Variants in MAP4K5 observed in about 807,000 individuals in gnomAD.
MAP4K5 encodes mitogen-activated protein kinase kinase kinase kinase 5, also known as MAPK/ERK kinase kinase kinase 5.
In MAP4K5, 82 loss-of-function variants were observed where a neutral mutation model predicts 135.6. The observed-to-expected ratio is 0.60, with a 90% CI of 0.51 to 0.73. The LOEUF (loss-of-function observed/expected upper bound fraction) is 0.73. Ranked by LOEUF, MAP4K5 falls within the 30% of genes least tolerant of loss-of-function variation. MAP4K5 has a pLI of 0.00. For synonymous variants in MAP4K5, 347 were observed against 335.0 expected, an observed-to-expected ratio of 1.04 and a Z score of -0.39; for missense variants, 907 against 1,010.9, an observed-to-expected ratio of 0.90 and a Z score of 1.39.
chr14:50,445,167 T>G lies in MAP4K5; in HGVS notation c.1213A>C (p.Asn405His), dbSNP rs2036316879. ...GATGCTTTTTCTTCATCCGGAAAGTTGTCTTCAGGGTAACTGCTTATCCTT... is the reference window on the plus strand; with the variant it reads ...GATGCTTTTTCTTCATCCGGAAAGTGGTCTTCAGGGTAACTGCTTATCCTT... ...KPRISSYPED[N>H]FPDEEKASTI... The change falls in exon 18 of 33, where the codon AAC (asparagine) becomes CAC (histidine). Residue 405 changes from asparagine (N) to histidine (H), a missense_variant. By Grantham distance (68) the Asn-to-His change is moderately conservative (BLOSUM62 1). Transcript: ENST00000682126. The G allele has an allele frequency of 8.1e-6, 13 of 1,613,520 alleles. No individual in the cohort carries two copies. Among genetic ancestry groups the G allele is most frequent in the Non-Finnish European group, 1.1e-5 (13 of 1,179,646 alleles).
chr14:50,501,852 T>A (rs1349846365), intron 3 of MAP4K5, among the ~76,000 whole-genome samples: 1 of 152,134 alleles, frequency 6.6e-6, no homozygotes, highest in East Asian at 1.9e-4. Flanking sequence ...TTATTCTAAC[T>A]CCCCCACTGG....
At chr14:50,528,423 A>G (rs63429460) in intron 2 of MAP4K5, among the ~76,000 whole-genome samples, 7 of 134,768 alleles carry the variant, frequency 5.2e-5, no homozygotes, top group Admixed American at 1.5e-4. Context: ...AAAAAAAAAA[A>G]GGCAGGGAAA....
intron 8 of MAP4K5, among the ~76,000 whole-genome samples, 190 bp downstream of exon 8, chr14:50,475,938 T>C (rs1050229744): frequency 6.6e-6 from 1 of 152,196 alleles, no homozygotes; most frequent in African/African-American, 2.4e-5. Flanking sequence ...GGATTTTCCA[T>C]CTTTAGGTTT....
At chr14:50,456,312 C>T in intron 14 of MAP4K5, 1 of 530,604 alleles carries the variant, frequency 1.9e-6, no homozygotes, top group South Asian at 2.5e-5. Context: ...TGATTTTGTC[C>T]ATAACTGGAA....
intron 2 of MAP4K5, among the ~76,000 whole-genome samples, chr14:50,518,479 C>A (rs1014862857): frequency 6.6e-6 from 1 of 152,094 alleles, no homozygotes; most frequent in South Asian, 2.1e-4. Flanking sequence ...CACTTATAAG[C>A]GAGAACATGC....
intron 2 of MAP4K5, among the ~76,000 whole-genome samples, chr14:50,539,881 C>T (rs956499961): frequency 6.6e-6 from 1 of 152,210 alleles, no homozygotes; most frequent in Non-Finnish European, 1.5e-5. Context: ...CCCTGGCATA[C>T]TGTAGAAGAA....
intron 11 of MAP4K5, 113 bp from the exon 12 acceptor site, chr14:50,464,246 C>A: frequency 1.7e-6 from 1 of 604,008 alleles, no homozygotes. Context: ...TTTTATTGGG[C>A]CACTTAGTTA....
At chr14:50,430,300 G>C (rs1595423359) in intron 28 of MAP4K5, among the ~76,000 whole-genome samples, 1 of 152,118 alleles carries the variant, frequency 6.6e-6, no homozygotes, top group Non-Finnish European at 1.5e-5. Context: ...TCATTTAGCT[G>C]TATATTTACA....
intron 12 of MAP4K5, 52 bp downstream of exon 12, chr14:50,464,000 A>C: frequency 2.1e-6 from 2 of 956,484 alleles, no homozygotes; most frequent in Non-Finnish European, 3.2e-6. Flanking sequence ...TGTTCTACTG[A>C]TATGTCTAAT....
chr14:50,486,020 A>G (rs2037355002), intron 4 of MAP4K5, 84 bp downstream of exon 4: 2 of 642,482 alleles, frequency 3.1e-6, no homozygotes. Flanking sequence ...ATACAAATAT[A>G]GTAGCACTTA....
At chr14:50,437,429 A>C (rs756267381) in intron 26 of MAP4K5, 47 bp downstream of exon 26, 2 of 1,366,892 alleles carry the variant, frequency 1.5e-6, no homozygotes, top group Non-Finnish European at 2.0e-6. Context: ...AATTATAAAG[A>C]TGTTAAAAGT....
chr14:50,556,802 A>G (rs2038770827), intron 1 of MAP4K5, among the ~76,000 whole-genome samples: 1 of 152,228 alleles, frequency 6.6e-6, no homozygotes, highest in African/African-American at 2.4e-5. Context: ...AGGTCCATCC[A>G]TGTTGTACCA....
At chr14:50,472,431 G>T (rs2036986948) in intron 9 of MAP4K5, 1 of 152,126 alleles carries the variant, frequency 6.6e-6, no homozygotes, top group East Asian at 1.9e-4. Context: ...GAGAAATGTT[G>T]TAAAGTCTTT....
chr14:50,528,943 A>G (rs2038325956), intron 2 of MAP4K5, among the ~76,000 whole-genome samples: 1 of 152,230 alleles, frequency 6.6e-6, no homozygotes, highest in African/African-American at 2.4e-5. Context: ...TAGGCATACT[A>G]AGGAGTAAAT....
intron 2 of MAP4K5, among the ~76,000 whole-genome samples, chr14:50,519,275 C>T (rs1468532316): frequency 6.6e-6 from 1 of 151,828 alleles, no homozygotes; most frequent in Non-Finnish European, 1.5e-5. Context: ...TACGTATGTC[C>T]TTAATATGAA....
intron 1 of MAP4K5, among the ~76,000 whole-genome samples, chr14:50,544,326 C>T (rs898853710): frequency 1.3e-5 from 2 of 152,196 alleles, no homozygotes; most frequent in African/African-American, 2.4e-5. Context: ...ACTATCAGAA[C>T]CACAATTTTG....
intron 6 of MAP4K5, among the ~76,000 whole-genome samples, chr14:50,482,011 T>C (rs2037253639): frequency 6.6e-6 from 1 of 152,224 alleles, no homozygotes; most frequent in South Asian, 2.1e-4. Context: ...ATTGAGAGGT[T>C]TGGTAATTCA....
At position 50,472,415 on chromosome 14, in the gene MAP4K5, G is replaced by A. The variant is rs552508137; in HGVS notation, c.542+2662C>T. On this transcript the variant is annotated intron_variant, in intron 9 of 32. Coordinates refer to ENST00000682126, the MANE Select transcript of MAP4K5 (RefSeq NM_006575.6). Reference sequence around the variant, plus strand: ...AAATTATACTGGAGAATAACCATATGTATATGAGAAATGTTGTAAAGTCTT... The same window carrying A: ...AAATTATACTGGAGAATAACCATATATATATGAGAAATGTTGTAAAGTCTT... 3 of 152,238 alleles carry A rather than the reference G, an allele frequency of 2.0e-5. No homozygotes were observed. In the East Asian group the frequency reaches 5.8e-4, roughly 29 times the overall value. 9.4% of individuals were successfully genotyped at this position (152,238 alleles called of 1,614,324 possible).
At chr14:50,447,725 CTTT>C (rs899321904) in intron 15 of MAP4K5, among the ~76,000 whole-genome samples, 3 of 151,460 alleles carry the variant, frequency 2.0e-5, no homozygotes, top group African/African-American at 7.4e-5. Flanking sequence ...GACAAACCTT[CTTT>C]ATCAGTATGT....
Sources: allele counts gnomAD v4.1 joint callset (sites outside exome capture counted in the v4.1 genomes callset), GRCh38; gene constraint gnomAD v4.1.1; transcripts MANE v1.5; gene names NCBI Gene and HGNC (gene_info 2026-07-23, HGNC 2026-07-21).